GRIA4: variants seen among roughly 807,000 people sequenced by gnomAD.
GRIA4 encodes glutamate ionotropic receptor AMPA type subunit 4.
Under a neutral mutation model 104.0 loss-of-function variants are expected in GRIA4, and 34 were observed. The observed-to-expected ratio is 0.33, with a 90% CI of 0.25 to 0.44. The LOEUF (loss-of-function observed/expected upper bound fraction) is 0.44, where lower values mean the gene tolerates loss of function less well. Ranked by LOEUF, GRIA4 falls within the 20% of genes least tolerant of loss-of-function variation. GRIA4 has a pLI of 1.00. For synonymous variants in GRIA4, 386 were observed against 381.9 expected, an observed-to-expected ratio of 1.01 and a Z score of -0.13; for missense variants, 750 against 1,096.5, an observed-to-expected ratio of 0.68 and a Z score of 4.46.
At position 105,925,618 on chromosome 11, in the gene GRIA4, A is replaced by G. The variant is rs1022473692; in HGVS notation, c.1847+849A>G. On this transcript the variant is annotated intron_variant, in intron 12 of 16. Coordinates refer to ENST00000282499, the MANE Select transcript of GRIA4 (RefSeq NM_000829.4). Reference sequence around the variant, plus strand: ...CAATTTGTGTTTCTTAAGACCTAGGAAAATTATAAATATGTTTAAATTCCA... The same window carrying G: ...CAATTTGTGTTTCTTAAGACCTAGGGAAATTATAAATATGTTTAAATTCCA... Among the ~76,000 whole-genome samples the G allele has an allele frequency of 2.0e-5, 3 of 152,148 alleles. No homozygotes were observed. The South Asian group carries it at 6.2e-4, about 31-fold the overall frequency.
intron 3 of GRIA4, among the ~76,000 whole-genome samples, chr11:105,658,084 A>T (rs1951897319): frequency 6.6e-6 from 1 of 151,774 alleles, no homozygotes; most frequent in South Asian, 2.1e-4. Flanking sequence ...GTATAGTAGA[A>T]TTTTTTTAAA....
At chr11:105,881,885 C>G (rs1946077201) in intron 5 of GRIA4, among the ~76,000 whole-genome samples, 1 of 145,530 alleles carries the variant, frequency 6.9e-6, no homozygotes. Context: ...CTTTATTTTT[C>G]CCACCCCATT....
intron 3 of GRIA4, among the ~76,000 whole-genome samples, chr11:105,742,120 TA>T (rs373199199): frequency 1.4e-4 from 22 of 152,246 alleles, no homozygotes; most frequent in Middle Eastern, 3.4e-3. Flanking sequence ...CAGCTGTAAA[TA>T]AAATAAGCCT....
At chr11:105,900,474 C>A (rs944846164) in intron 7 of GRIA4, among the ~76,000 whole-genome samples, 1 of 152,166 alleles carries the variant, frequency 6.6e-6, no homozygotes. Flanking sequence ...GTGCTTCTAC[C>A]TCAAAAGTCC....
At chr11:105,701,155 T>A (rs2135522061) in intron 3 of GRIA4, among the ~76,000 whole-genome samples, 1 of 152,344 alleles carries the variant, frequency 6.6e-6, no homozygotes, top group Middle Eastern at 3.4e-3. Context: ...ACTTTTCGTC[T>A]GTGCCCATTT....
At chr11:105,950,835 A>G (rs1028108475) in intron 14 of GRIA4, among the ~76,000 whole-genome samples, 4 of 152,144 alleles carry the variant, frequency 2.6e-5, no homozygotes, top group Non-Finnish European at 4.4e-5. Flanking sequence ...CAGGAAAAAG[A>G]AAATTTCCCA....
At chr11:105,977,726 C>A (rs1198862701) in intron 16 of GRIA4, among the ~76,000 whole-genome samples, 1 of 151,944 alleles carries the variant, frequency 6.6e-6, no homozygotes, top group African/African-American at 2.4e-5. Context: ...ATAAATAGTC[C>A]TGCTTTGCTA....
At chr11:105,688,172 A>G (rs889558045) in intron 3 of GRIA4, among the ~76,000 whole-genome samples, 7 of 151,460 alleles carry the variant, frequency 4.6e-5, no homozygotes, top group Non-Finnish European at 8.8e-5. Flanking sequence ...CTATCTATCT[A>G]TCTATCTATC....
At chr11:105,884,678 C>A (rs975495550) in intron 5 of GRIA4, among the ~76,000 whole-genome samples, 4 of 152,176 alleles carry the variant, frequency 2.6e-5, no homozygotes, top group African/African-American at 9.6e-5. Context: ...TGGAGCTCTG[C>A]AAGACCTTTT....
At position 105,981,903 on chromosome 11, in the gene GRIA4, C is replaced by T. The variant is rs1426287431; in HGVS notation, c.*2164C>T. On this transcript the variant is annotated 3_prime_UTR_variant, in exon 17 of 17. Transcript: ENST00000282499. ...TGAGACTGAGTTAGGTGCCCTTTTT[C>T]ATGTCTTTCCCCCATCACGGCACTT... 1 of 152,602 alleles carries T rather than the reference C, an allele frequency of 6.6e-6. No individual in the cohort carries two copies. Among genetic ancestry groups the T allele is most frequent in the African/African-American group, 2.4e-5 (1 of 41,396 alleles). 9.5% of individuals were successfully genotyped at this position (152,602 alleles called of 1,614,324 possible).
intron 4 of GRIA4, among the ~76,000 whole-genome samples, chr11:105,779,739 A>T (rs1480389361): frequency 6.6e-6 from 1 of 152,336 alleles, no homozygotes; most frequent in East Asian, 1.9e-4. Flanking sequence ...AGCTGGAGGC[A>T]TCACGCTACC....
intron 4 of GRIA4, among the ~76,000 whole-genome samples, chr11:105,841,129 C>A (rs1377191927): frequency 6.6e-6 from 1 of 152,036 alleles, no homozygotes; most frequent in Non-Finnish European, 1.5e-5. Flanking sequence ...TTAATGGCTT[C>A]TCTTTCACCC....
At chr11:105,661,118 A>G (rs1294840091) in intron 3 of GRIA4, among the ~76,000 whole-genome samples, 1 of 151,650 alleles carries the variant, frequency 6.6e-6, no homozygotes, top group African/African-American at 2.4e-5. Context: ...AGTGTGACAT[A>G]ATAAGGAATT....
At chr11:105,785,130 C>A (rs1941902593) in intron 4 of GRIA4, among the ~76,000 whole-genome samples, 1 of 152,170 alleles carries the variant, frequency 6.6e-6, no homozygotes, top group Non-Finnish European at 1.5e-5. Context: ...GCCTCCACAA[C>A]CTAGGTTCTT....
intron 8 of GRIA4, 72 bp downstream of exon 8, chr11:105,904,053 T>A (rs1946958086): frequency 9.6e-7 from 1 of 1,043,134 alleles, no homozygotes; most frequent in Non-Finnish European, 1.4e-6. Flanking sequence ...AAAAACAGAC[T>A]AATTTATCCA....
chr11:105,853,918 T>A (rs1306582013), intron 4 of GRIA4, among the ~76,000 whole-genome samples: 10 of 152,196 alleles, frequency 6.6e-5, no homozygotes, highest in Non-Finnish European at 1.5e-4. Context: ...TATATCAAAC[T>A]AGCATTATAA....
intron 4 of GRIA4, among the ~76,000 whole-genome samples, chr11:105,785,898 A>G (rs1591254270): frequency 6.6e-6 from 1 of 152,046 alleles, no homozygotes; most frequent in Non-Finnish European, 1.5e-5. Flanking sequence ...GTAATCCCAG[A>G]ACTTTGGGAG....
intron 3 of GRIA4, among the ~76,000 whole-genome samples, chr11:105,683,616 T>A (rs951669667): frequency 7.2e-5 from 11 of 152,286 alleles, no homozygotes; most frequent in Admixed American, 3.9e-4. Context: ...TGTAGAAATA[T>A]TTACTCTTTT....
chr11:105,733,963 A>G (rs553948327), intron 3 of GRIA4, among the ~76,000 whole-genome samples: 4 of 149,524 alleles, frequency 2.7e-5, no homozygotes, highest in Non-Finnish European at 4.4e-5. Flanking sequence ...CCATAATGAT[A>G]ACCATATTAT....
Sources: allele counts gnomAD v4.1 joint callset (sites outside exome capture counted in the v4.1 genomes callset), GRCh38; gene constraint gnomAD v4.1.1; transcripts MANE v1.5; gene names NCBI Gene and HGNC (gene_info 2026-07-23, HGNC 2026-07-21).